SLC25A46: variants seen among roughly 807,000 people sequenced by gnomAD.
The protein encoded by SLC25A46 is solute carrier family 25 member 46.
A neutral mutation model predicts 44.6 loss-of-function variants in SLC25A46; 39 were observed. The observed-to-expected ratio is 0.87, with a 90% CI of 0.68 to 1.14. The LOEUF is 1.14. Ranked by LOEUF, SLC25A46 falls within the 50% of genes most tolerant of loss-of-function variation. The pLI is 0.00. For missense variants in SLC25A46, 547 were observed against 522.7 expected (o/e 1.05, Z -0.45); for synonymous variants, 202 against 185.8 (o/e 1.09, Z -0.71).
At chr5:110,755,641 TG>T (rs765697703) in intron 6 of SLC25A46, 120 bp downstream of exon 6, 33 of 567,024 alleles carry the variant, frequency 5.8e-5, no homozygotes, top group Non-Finnish European at 9.5e-5. Context: ...GAAATGTTGG[TG>T]GGACTATAAC....
At chr5:110,753,428 G>C (rs1236361314) in intron 5 of SLC25A46, 1 of 150,532 alleles carries the variant, frequency 6.6e-6, no homozygotes, top group Admixed American at 6.7e-5. Context: ...TATGTGTTTT[G>C]ATTTGTTAAA....
At chr5:110,743,331 T>A (rs539132065) in intron 2 of SLC25A46, among the ~76,000 whole-genome samples, 85 of 152,224 alleles carry the variant, frequency 5.6e-4, no homozygotes, top group African/African-American at 2.0e-3. Flanking sequence ...GAAGATCAAA[T>A]GACTCTGCTG....
intron 5 of SLC25A46, chr5:110,753,570 A>G (rs1410989523): frequency 2.6e-5 from 4 of 152,114 alleles, no homozygotes; most frequent in African/African-American, 9.7e-5. Flanking sequence ...GTATTTGATA[A>G]TGAATTATAA....
intron 7 of SLC25A46, among the ~76,000 whole-genome samples, chr5:110,758,380 TCTC>T (rs1385297351): frequency 2.0e-5 from 3 of 152,134 alleles, no homozygotes; most frequent in Non-Finnish European, 4.4e-5. Flanking sequence ...TAGAACCTCT[TCTC>T]CTTGGCAATA....
rs1366153260 is a variant in SLC25A46 at position 110,761,317 on chromosome 5, G to A, written c.792G>A (p.Leu264=). ...AACGACTTCTTCCGCTTCTTTCCTT[G>A]ATCTTCCCTACGGTGCTTCATGGAG... ...HSKRLLPLLS[L]IFPTVLHGVL... is the part of the protein sequence containing the mutation. Residue 264 remains leucine (L), a synonymous_variant, in exon 8 of 8, where the codon TTG becomes TTA. Transcript: ENST00000355943. This position sits in a 1 kb window ranked among gnomAD's most constrained non-coding sequence, Gnocchi z 5.3. 6.2e-7 allele frequency: 1 copy of A among 1,613,758 alleles called. No individual in the cohort carries two copies. The highest frequency in any genetic ancestry group is 2.2e-5 in the East Asian group (1 of 44,856).
upstream of SLC25A46, chr5:110,738,695 A>G (rs969307980): frequency 4.4e-6 from 1 of 228,822 alleles, no homozygotes; most frequent in South Asian, 5.4e-5. Flanking sequence ...TAGCTGTGAC[A>G]TGGGGTATTT....
At chr5:110,738,454 C>G (rs1799446930), upstream of SLC25A46, among the ~76,000 whole-genome samples, 1 of 152,146 alleles carries the variant, frequency 6.6e-6, no homozygotes, top group Non-Finnish European at 1.5e-5. Context: ...ACGTGGGTTT[C>G]TTTCACCCCC....
rs1460095928 is a variant in SLC25A46, at chr5:110,761,803, G to A, written c.*21G>A. 6.4e-7 allele frequency: 1 copy of A among 1,563,306 alleles called. No homozygotes were observed. Among genetic ancestry groups the A allele is most frequent in the South Asian group, 1.1e-5 (1 of 87,168 alleles). On this transcript the variant is annotated 3_prime_UTR_variant, in exon 8 of 8. Transcript: ENST00000355943. This position sits in a 1 kb window ranked among gnomAD's most constrained non-coding sequence, Gnocchi z 5.3. ...TTTGAGATTTAGGTTCCTTCACTGA[G>A]TAGTCTGGAAGATATAATCTGGATA...
rs1800285964 is a variant in SLC25A46 at position 110,762,676 on chromosome 5, A to C, written c.*894A>C. ...GAGAGAATATAAAATAATCATGACAATTACTACTGTTTCCACATTTACAAA... is the reference window on the plus strand; with the variant it reads ...GAGAGAATATAAAATAATCATGACACTTACTACTGTTTCCACATTTACAAA... On this transcript the variant is annotated 3_prime_UTR_variant, in exon 8 of 8. Coordinates refer to ENST00000355943, the MANE Select transcript of SLC25A46 (RefSeq NM_138773.4). The C allele has an allele frequency of 6.6e-6, 1 of 151,902 alleles. No homozygotes were observed. Among genetic ancestry groups the C allele is most frequent in the Admixed American group, 6.6e-5 (1 of 15,206 alleles). The allele number at this position is 151,902 out of a possible 1,614,324, so 9.4% of individuals were successfully genotyped here.
At chr5:110,746,894 T>G (rs1239516559) in intron 4 of SLC25A46, among the ~76,000 whole-genome samples, 1 of 152,000 alleles carries the variant, frequency 6.6e-6, no homozygotes, top group Non-Finnish European at 1.5e-5. Flanking sequence ...AATGGGAGCT[T>G]GAAGTGGGGG....
intron 6 of SLC25A46, chr5:110,756,188 T>C (rs1234957540): frequency 6.6e-6 from 1 of 152,080 alleles, no homozygotes; most frequent in African/African-American, 2.4e-5. Context: ...GTAATATTAC[T>C]ATGTCTAAAT....
chr5:110,738,288 A>G (rs1441584903), upstream of SLC25A46: 3 of 1,265,534 alleles, frequency 2.4e-6, no homozygotes, highest in South Asian at 1.3e-5. Context: ...CAGTTATTCA[A>G]TTAGAGGTCC....
chr5:110,753,411 A>G (rs943610683), intron 5 of SLC25A46: 9 of 151,410 alleles, frequency 5.9e-5, no homozygotes, highest in African/African-American at 1.7e-4. Flanking sequence ...TTGATTATGC[A>G]TAGGAGTATG....
chr5:110,754,887 A>G (rs1800068154), intron 5 of SLC25A46: 1 of 152,326 alleles, frequency 6.6e-6, no homozygotes, highest in Non-Finnish European at 1.5e-5. Context: ...GAAATGGAGA[A>G]AATAGGGTTA....
rs1800346087 is a variant in SLC25A46 at position 110,764,712 on chromosome 5, AGGTTGTGGAGGATTTTTG to A, written c.*2931_*2948del. The A allele has an allele frequency of 6.6e-6, 1 of 151,914 alleles. No individual in the cohort carries two copies. The highest frequency in any genetic ancestry group is 1.5e-5 in the Non-Finnish European group (1 of 67,902). 9.4% of individuals were successfully genotyped at this position (151,914 alleles called of 1,614,324 possible). Reference sequence around the variant, plus strand: ...CTGCTTAAATTTGTTTTATCAGCTGAGGTTGTGGAGGATTTTTGTCCACTGATCTTTTGCAACAGAAAA... The same window carrying A: ...CTGCTTAAATTTGTTTTATCAGCTGATCCACTGATCTTTTGCAACAGAAAA... On this transcript the variant is annotated 3_prime_UTR_variant, in exon 8 of 8. Coordinates refer to ENST00000355943, the MANE Select transcript of SLC25A46 (RefSeq NM_138773.4).
intron 3 of SLC25A46, among the ~76,000 whole-genome samples, chr5:110,744,173 C>CA (rs1465935615): frequency 1.2e-4 from 18 of 152,122 alleles, no homozygotes. Flanking sequence ...CTTCTGCAGT[C>CA]AATCTGTTGC....
At chr5:110,742,534 A>G (rs546948153) in intron 2 of SLC25A46, among the ~76,000 whole-genome samples, 10 of 152,192 alleles carry the variant, frequency 6.6e-5, no homozygotes, top group Admixed American at 1.3e-4. Context: ...GTCATTTCCC[A>G]CATCAAACAT....
chr5:110,745,744 T>A (rs1297756202), intron 3 of SLC25A46: 6 of 152,560 alleles, frequency 3.9e-5, no homozygotes, highest in Non-Finnish European at 1.5e-5. Flanking sequence ...TATTTTACAT[T>A]GTAGTAATAT....
At chr5:110,747,773 T>A (rs1467511372) in intron 4 of SLC25A46, among the ~76,000 whole-genome samples, 5 of 152,080 alleles carry the variant, frequency 3.3e-5, no homozygotes, top group Non-Finnish European at 5.9e-5. Flanking sequence ...ACTAGGATGA[T>A]GAAGCTGCTA....
Sources: allele counts gnomAD v4.1 joint callset (sites outside exome capture counted in the v4.1 genomes callset), GRCh38; gene constraint gnomAD v4.1.1; non-coding constraint Gnocchi (gnomAD v3.1); transcripts MANE v1.5; gene names NCBI Gene and HGNC (gene_info 2026-07-23, HGNC 2026-07-21).